WDFY3: variants seen among roughly 807,000 people sequenced by gnomAD.
WDFY3 encodes the protein WD repeat and FYVE domain containing 3, also known as WD repeat and FYVE domain-containing protein 3.
WDFY3 carries 66 observed loss-of-function variants against 409.6 expected under a neutral mutation model. That is an observed-to-expected ratio of 0.16 (90% CI 0.13 to 0.20). The LOEUF (loss-of-function observed/expected upper bound fraction) is 0.20, where lower values mean the gene tolerates loss of function less well. Among genes scored for constraint, WDFY3 ranks in the 10% least tolerant of loss-of-function variants. The pLI, the probability that WDFY3 is intolerant of heterozygous loss-of-function variation, is 1.00. For synonymous variants in WDFY3, 1,521 were observed against 1,537.1 expected (o/e 0.99, Z 0.25); for missense variants, 3,031 against 4,298.1 (o/e 0.71, Z 8.24).
chr4:84,704,429 T>C lies in WDFY3; in HGVS notation c.8351A>G (p.Tyr2784Cys). ...WEDPNGETPAYHYGTHYSSAM... is the reference protein window; with the variant it reads ...WEDPNGETPACHYGTHYSSAM... ...AGATGAATAGTGGGTCCCATAGTGG[T>C]ATGCAGGAGTTTCTCCTGTTTAAGA... Residue 2784 changes from tyrosine to cysteine, a missense_variant, in exon 55 of 68, where the codon TAC becomes TGC. Around this residue, in one of 16 missense-constraint regions of WDFY3, gnomAD observed 129 missense variants for 305.3 expected, o/e 0.42. Transcript: ENST00000295888. The C allele has an allele frequency of 6.2e-7, 1 of 1,607,586 alleles. No individual in the cohort carries two copies. The highest frequency in any genetic ancestry group is 8.5e-7 in the Non-Finnish European group (1 of 1,177,684).
chr4:84,687,373 C>T (rs191551541), intron 62 of WDFY3, among the ~76,000 whole-genome samples: 1 of 152,242 alleles, frequency 6.6e-6, no homozygotes, highest in East Asian at 1.9e-4. Context: ...GAACTCCTGA[C>T]CTCAAATGAT....
At chr4:84,746,620 A>G (rs1193547629) in intron 36 of WDFY3, among the ~76,000 whole-genome samples, 1 of 152,122 alleles carries the variant, frequency 6.6e-6, no homozygotes, top group Non-Finnish European at 1.5e-5. Flanking sequence ...TACTGGTCCT[A>G]GTGGCCTAGT....
At chr4:84,823,790 C>T (rs991968085) in intron 10 of WDFY3, among the ~76,000 whole-genome samples, 3 of 152,124 alleles carry the variant, frequency 2.0e-5, no homozygotes, top group Admixed American at 1.3e-4. Flanking sequence ...TTACTGACAG[C>T]GTCAAGCAAC....
intron 58 of WDFY3, among the ~76,000 whole-genome samples, chr4:84,694,180 A>G (rs1208616214): frequency 6.6e-6 from 1 of 152,222 alleles, no homozygotes. Context: ...TTATCTACAT[A>G]AAGGACTATA....
intron 19 of WDFY3, among the ~76,000 whole-genome samples, 189 bp downstream of exon 19, chr4:84,796,332 T>C (rs1034192360): frequency 5.3e-5 from 8 of 152,150 alleles, no homozygotes; most frequent in African/African-American, 1.7e-4. Context: ...TCAATTTATT[T>C]TGTATAACAA....
intron 9 of WDFY3, among the ~76,000 whole-genome samples, chr4:84,827,523 C>A (rs1230714961): frequency 3.9e-5 from 6 of 152,198 alleles, no homozygotes; most frequent in African/African-American, 1.4e-4. Context: ...GTTCCAACAG[C>A]TGGCATAATG....
intron 56 of WDFY3, 53 bp downstream of exon 56, chr4:84,702,300 T>C: frequency 6.7e-7 from 1 of 1,500,076 alleles, no homozygotes; most frequent in South Asian, 1.4e-5. Flanking sequence ...GACTTATTTC[T>C]ATTGGACTTT....
Position 84,826,798 on chromosome 4 carries a change from GA to G in WDFY3, c.1123+16del, listed in dbSNP as rs760014313. The G allele has an allele frequency of 1.5e-5, 24 of 1,576,890 alleles. No homozygotes were observed. The highest frequency in any genetic ancestry group is 1.9e-5 in the Non-Finnish European group (22 of 1,168,344). On this transcript the variant is annotated intron_variant, in intron 10 of 67. Transcript: ENST00000295888. ...CTATTTCTCTCAGTAGCACAGAAGG[GA>G]AAAAACAAGACTCACCTTTGCCTGC...
chr4:84,694,152 A>G (rs1262515380), intron 58 of WDFY3, among the ~76,000 whole-genome samples: 1 of 152,248 alleles, frequency 6.6e-6, no homozygotes, highest in African/African-American at 2.4e-5. Flanking sequence ...TCAAATCTTT[A>G]AATGTTTTAT....
At chr4:84,828,803 G>C (rs1006018406) in intron 9 of WDFY3, among the ~76,000 whole-genome samples, 1 of 152,178 alleles carries the variant, frequency 6.6e-6, no homozygotes, top group Non-Finnish European at 1.5e-5. Flanking sequence ...GGAGGCTGAG[G>C]TGGGAGGACC....
chr4:84,957,097 T>C (rs1243353166), intron 1 of WDFY3, among the ~76,000 whole-genome samples: 1 of 151,278 alleles, frequency 6.6e-6, no homozygotes, highest in Non-Finnish European at 1.5e-5. Context: ...TTTATAGAGA[T>C]ATAAAACCAA....
intron 2 of WDFY3, among the ~76,000 whole-genome samples, chr4:84,918,826 T>TAA (rs1431605335): frequency 7.4e-6 from 1 of 134,900 alleles, no homozygotes; most frequent in African/African-American, 2.7e-5. Flanking sequence ...TATATATATA[T>TAA]AGATATATAT....
At chr4:84,751,324 G>A in intron 36 of WDFY3, 159 bp downstream of exon 36, 1 of 708,846 alleles carries the variant, frequency 1.4e-6, no homozygotes, top group East Asian at 2.7e-5. Context: ...AGGGTTTAAA[G>A]CACATGTGGG....
chr4:84,856,471 T>C (rs559655800), intron 4 of WDFY3, among the ~76,000 whole-genome samples: 2 of 152,286 alleles, frequency 1.3e-5, no homozygotes, highest in South Asian at 4.1e-4. Flanking sequence ...AAATGTTAAT[T>C]ATTTTTAAGA....
At chr4:84,786,184 A>C in intron 23 of WDFY3, 45 bp from the exon 24 acceptor site, 12 of 1,524,936 alleles carry the variant, frequency 7.9e-6, no homozygotes, top group East Asian at 2.4e-5. Context: ...AGTAGTTCTC[A>C]TCTTAAAGTA....
rs912191738 is a variant in WDFY3, at chr4:84,669,615, TA to T, written c.*3252del. ...ACTTAAGTACCTGGACTATTGCATTTAATCATGTATTGTAATTGTGTTACTC... is the reference window on the plus strand; with the variant it reads ...ACTTAAGTACCTGGACTATTGCATTTATCATGTATTGTAATTGTGTTACTC... On this transcript the variant is annotated 3_prime_UTR_variant, in exon 68 of 68. Coordinates refer to ENST00000295888, the MANE Select transcript of WDFY3 (RefSeq NM_014991.6). 12 of 151,016 alleles carry T rather than the reference TA, an allele frequency of 7.9e-5. No homozygotes were observed. Among genetic ancestry groups the T allele is most frequent in the Admixed American group, 5.3e-4 (8 of 15,010 alleles). 9.4% of individuals were successfully genotyped at this position (151,016 alleles called of 1,614,324 possible).
chr4:84,861,779 T>C (rs545307488), intron 3 of WDFY3, among the ~76,000 whole-genome samples: 1 of 152,338 alleles, frequency 6.6e-6, no homozygotes, highest in East Asian at 1.9e-4. Flanking sequence ...TGAGTTAAAG[T>C]ATACACAGAA....
intron 3 of WDFY3, among the ~76,000 whole-genome samples, chr4:84,882,344 G>T (rs1763651642): frequency 6.6e-6 from 1 of 151,986 alleles, no homozygotes; most frequent in African/African-American, 2.4e-5. Context: ...CTGGCGTGAG[G>T]TCAGTAATCT....
intron 5 of WDFY3, among the ~76,000 whole-genome samples, chr4:84,846,319 C>T (rs1758074448): frequency 6.6e-6 from 1 of 151,962 alleles, no homozygotes; most frequent in Non-Finnish European, 1.5e-5. Flanking sequence ...ATCCTAGCTA[C>T]TATTTTTGAA....
Sources: allele counts gnomAD v4.1 joint callset (sites outside exome capture counted in the v4.1 genomes callset), GRCh38; gene constraint gnomAD v4.1.1; regional missense constraint gnomAD v4.1.1; transcripts MANE v1.5; gene names NCBI Gene and HGNC (gene_info 2026-07-23, HGNC 2026-07-21).